DTD1: variants seen among roughly 807,000 people sequenced by gnomAD.
DTD1 encodes D-aminoacyl-tRNA deacylase 1.
A neutral mutation model predicts 25.6 loss-of-function variants in DTD1; 13 were observed. That is an observed-to-expected ratio of 0.51 (90% confidence interval 0.33 to 0.81). DTD1 has a LOEUF of 0.81. DTD1 is among the 30% of genes least tolerant of loss of function. The pLI is 0.02. For missense variants in DTD1, 193 were observed against 266.4 expected (o/e 0.72, Z 1.92); for synonymous variants, 110 against 103.6 (o/e 1.06, Z -0.37).
At chr20:18,686,466 A>G (rs2061016888) in intron 4 of DTD1, among the ~76,000 whole-genome samples, 1 of 152,170 alleles carries the variant, frequency 6.6e-6, no homozygotes, top group African/African-American at 2.4e-5. Context: ...GCCTTCCAAA[A>G]AGTTTATAAT....
intron 4 of DTD1, among the ~76,000 whole-genome samples, chr20:18,707,180 T>G (rs1246773789): frequency 6.6e-6 from 1 of 152,260 alleles, no homozygotes; most frequent in Non-Finnish European, 1.5e-5. Context: ...CTTAGCTCCC[T>G]TAGACATGGT....
chr20:18,630,712 G>C (rs1285604926), intron 4 of DTD1: 1 of 152,142 alleles, frequency 6.6e-6, no homozygotes, highest in Non-Finnish European at 1.5e-5. Flanking sequence ...GGATAATGCA[G>C]GATTCCACAC....
intron 5 of DTD1, among the ~76,000 whole-genome samples, chr20:18,752,287 G>C (rs959162689): frequency 6.6e-6 from 1 of 152,078 alleles, no homozygotes; most frequent in Non-Finnish European, 1.5e-5. Flanking sequence ...TTTCCTCTCT[G>C]TTCTCTCTTC....
At chr20:18,616,633 GAAAAAAAGAA>G (rs1214287663) in intron 3 of DTD1, among the ~76,000 whole-genome samples, 3 of 150,762 alleles carry the variant, frequency 2.0e-5, no homozygotes, top group Admixed American at 6.6e-5. Flanking sequence ...AAAAAGAAAA[GAAAAAAAGAA>G]AAAAAAAGAA....
At chr20:18,728,596 G>T (rs1297100391) in intron 4 of DTD1, among the ~76,000 whole-genome samples, 1 of 152,166 alleles carries the variant, frequency 6.6e-6, no homozygotes. Context: ...CTATTTCGGT[G>T]TCTGGATGTG....
chr20:18,676,275 G>A (rs1004473449), intron 4 of DTD1, among the ~76,000 whole-genome samples: 1 of 152,168 alleles, frequency 6.6e-6, no homozygotes, highest in Non-Finnish European at 1.5e-5. Flanking sequence ...AACTGGCAGA[G>A]TTTGCAGGTG....
chr20:18,612,097 G>T (rs377464295), intron 3 of DTD1, among the ~76,000 whole-genome samples: 20 of 147,834 alleles, frequency 1.4e-4, no homozygotes, highest in African/African-American at 5.0e-4. Flanking sequence ...TGCAGTGGCG[G>T]GATCTCGGCT....
intron 4 of DTD1, among the ~76,000 whole-genome samples, chr20:18,660,357 C>G (rs2060905174): frequency 6.6e-6 from 1 of 152,054 alleles, no homozygotes; most frequent in African/African-American, 2.4e-5. Context: ...GTAGCTGGGA[C>G]TATAGGTGCA....
At chr20:18,648,995 C>CAA (rs57780175) in intron 4 of DTD1, among the ~76,000 whole-genome samples, 1,694 of 55,946 alleles carry the variant, frequency 0.03, 132 homozygotes, top group African/African-American at 0.041. Context: ...GACTCCATCT[C>CAA]AAAAAAAAAA....
chr20:18,687,109 G>A (rs918186957), intron 4 of DTD1, among the ~76,000 whole-genome samples: 4 of 152,216 alleles, frequency 2.6e-5, no homozygotes, highest in Admixed American at 2.6e-4. Flanking sequence ...TCAGGCAGAG[G>A]AGAAGGATGG....
intron 4 of DTD1, chr20:18,631,311 A>C: frequency 1.0e-6 from 1 of 984,658 alleles, no homozygotes; most frequent in Non-Finnish European, 1.2e-6. Context: ...GGTGACATAG[A>C]GCATAAAACG....
chr20:18,626,045 T>A (rs896428567), intron 3 of DTD1, among the ~76,000 whole-genome samples: 2 of 152,252 alleles, frequency 1.3e-5, no homozygotes, highest in African/African-American at 4.8e-5. Context: ...CAGAGTATAC[T>A]TTTTTGGCAT....
At chr20:18,717,431 T>G (rs964810282) in intron 4 of DTD1, among the ~76,000 whole-genome samples, 3 of 152,248 alleles carry the variant, frequency 2.0e-5, no homozygotes, top group African/African-American at 7.2e-5. Context: ...AATTTTAGCT[T>G]TTTATAATAG....
At chr20:18,759,711 T>C (rs951026429) in intron 5 of DTD1, among the ~76,000 whole-genome samples, 1 of 152,178 alleles carries the variant, frequency 6.6e-6, no homozygotes, top group Non-Finnish European at 1.5e-5. Context: ...CAATTATGCG[T>C]CTTGGAGTTG....
chr20:18,624,213 C>G (rs903745543), intron 3 of DTD1, among the ~76,000 whole-genome samples: 9 of 152,160 alleles, frequency 5.9e-5, no homozygotes, highest in Non-Finnish European at 8.8e-5. Flanking sequence ...GTTTCCCAAG[C>G]CGTGTCCAGC....
chr20:18,664,425 C>A (rs1330869389), intron 4 of DTD1, among the ~76,000 whole-genome samples: 1 of 152,130 alleles, frequency 6.6e-6, no homozygotes. Flanking sequence ...GCCTTCATGC[C>A]CCTTGTGTTC....
chr20:18,594,904 T>C (rs2060603743), intron 2 of DTD1, among the ~76,000 whole-genome samples: 1 of 152,166 alleles, frequency 6.6e-6, no homozygotes, highest in African/African-American at 2.4e-5. Context: ...ATCTTGGCTG[T>C]GGAGAGGGGG....
intron 3 of DTD1, among the ~76,000 whole-genome samples, chr20:18,612,567 C>T (rs2060691712): frequency 6.6e-6 from 1 of 152,148 alleles, no homozygotes; most frequent in Non-Finnish European, 1.5e-5. Flanking sequence ...TGGAATCGAA[C>T]CAGCAGCTGT....
intron 3 of DTD1, among the ~76,000 whole-genome samples, chr20:18,621,923 G>A (rs924247099): frequency 2.6e-5 from 4 of 152,110 alleles, no homozygotes; most frequent in Admixed American, 2.6e-4. Context: ...AATTAGCCGG[G>A]CATGGTGGTG....
Sources: allele counts gnomAD v4.1 joint callset (sites outside exome capture counted in the v4.1 genomes callset), GRCh38; gene constraint gnomAD v4.1.1; transcripts MANE v1.5; gene names NCBI Gene and HGNC (gene_info 2026-07-23, HGNC 2026-07-21).